The following VWA8 variants were observed in gnomAD, a reference collection of about 807,000 sequenced individuals.
VWA8 encodes von Willebrand factor A domain containing 8, also known as von Willebrand factor A domain-containing protein 8.
In VWA8, 221 loss-of-function variants were observed where a neutral mutation model predicts 241.5. The ratio of observed to expected loss-of-function variants is 0.91; its 90% CI spans 0.82 to 1.02. VWA8 has a LOEUF of 1.02. VWA8 is among the 50% of genes least tolerant of loss of function. The pLI is 0.00. For synonymous variants in VWA8, 852 were observed against 827.1 expected, an observed-to-expected ratio of 1.03 and a Z score of -0.52; for missense variants, 2,322 against 2,328.7, an observed-to-expected ratio of 1.00 and a Z score of 0.06.
intron 34 of VWA8, among the ~76,000 whole-genome samples, chr13:41,687,652 A>G: frequency 6.6e-6 from 1 of 152,130 alleles, no homozygotes. Flanking sequence ...AAAACCTCAT[A>G]GAATTGTTGT....
Position 41,960,933 on chromosome 13 carries a change from T to C in VWA8, c.83A>G (p.Gln28Arg). The change falls in exon 1 of 45, where the codon CAG (glutamine) becomes CGG (arginine). Residue 28 changes from glutamine to arginine, a missense_variant. Gln to Arg is a conservative substitution (Grantham distance 43). Transcript: ENST00000379310. ...ASRRMRLLLR[Q>R]VVQRRPGGDR... ...GCCACCCGGCCTGCGCTGCACCACCTGCCGCAGGAGCAGCCGCATGCGCCG... is the reference window on the plus strand; with the variant it reads ...GCCACCCGGCCTGCGCTGCACCACCCGCCGCAGGAGCAGCCGCATGCGCCG... 1.3e-6 allele frequency: 2 copies of C among 1,490,710 alleles called. No individual in the cohort carries two copies. Among genetic ancestry groups the C allele is most frequent in the South Asian group, 1.3e-5 (1 of 79,674 alleles). The allele number at this position is 1,490,710 out of a possible 1,614,324, so 92.3% of individuals were successfully genotyped here.
chr13:41,615,093 G>A lies in VWA8; in HGVS notation c.4612-9C>T, dbSNP rs759319654. ...TCTCTGTTGATTGTTATCTAAAAATGAACAATTGAGACATTTTTACTATCC... is the reference window on the plus strand; with the variant it reads ...TCTCTGTTGATTGTTATCTAAAAATAAACAATTGAGACATTTTTACTATCC... On this transcript the variant is annotated splice_polypyrimidine_tract_variant and intron_variant, in intron 37 of 44. Coordinates refer to ENST00000379310, the MANE Select transcript of VWA8 (RefSeq NM_015058.2). 1.9e-6 allele frequency: 3 copies of A among 1,613,330 alleles called. No homozygotes were observed. Among genetic ancestry groups the A allele is most frequent in the Admixed American group, 3.3e-5 (2 of 59,988 alleles).
rs1252767724 is a variant in VWA8 at position 41,731,953 on chromosome 13, T to C, written c.2502+127A>G. On this transcript the variant is annotated intron_variant, in intron 22 of 44. Coordinates refer to ENST00000379310, the MANE Select transcript of VWA8 (RefSeq NM_015058.2). ...TCTTTATAAATTACCCCGTCTCAGG[T>C]ATGTCTTTATAAGCAGCATGAAAAC... 10 of 720,146 alleles carry C rather than the reference T, an allele frequency of 1.4e-5. No homozygotes were observed. In the Admixed American group the frequency reaches 2.0e-4, roughly 14 times the overall value. 44.6% of individuals were successfully genotyped at this position (720,146 alleles called of 1,614,324 possible). A position where few individuals can be genotyped will look rare whatever the true frequency, so the allele number is the denominator to read the frequency against.
chr13:41,776,422 G>C (rs1481460868), intron 20 of VWA8, among the ~76,000 whole-genome samples: 1 of 152,140 alleles, frequency 6.6e-6, no homozygotes, highest in Non-Finnish European at 1.5e-5. Flanking sequence ...GCCAAATTCT[G>C]ACTGTTAACT....
Position 41,574,725 on chromosome 13 carries a change from G to A in VWA8, c.5370+1015C>T, listed in dbSNP as rs569538278. On this transcript the variant is annotated intron_variant, in intron 43 of 44. Coordinates refer to ENST00000379310, the MANE Select transcript of VWA8 (RefSeq NM_015058.2). ...ATGGTACTGGTATAAAAATAGGCACGTAGACCAATGAGACAGAATAGAGAA... is the reference window on the plus strand; with the variant it reads ...ATGGTACTGGTATAAAAATAGGCACATAGACCAATGAGACAGAATAGAGAA... Among the ~76,000 whole-genome samples, 6 of 152,238 alleles carry A rather than the reference G, an allele frequency of 3.9e-5. No individual in the cohort carries two copies. The South Asian group carries it at 8.3e-4, about 21-fold the overall frequency.
At chr13:41,955,793 T>G (rs554898960) in intron 1 of VWA8, 1 of 152,304 alleles carries the variant, frequency 6.6e-6, no homozygotes, top group East Asian at 1.9e-4. Flanking sequence ...GGAGTATACT[T>G]TGGTAACAAA....
intron 20 of VWA8, among the ~76,000 whole-genome samples, chr13:41,761,572 T>C (rs558115331): frequency 6.6e-6 from 1 of 152,100 alleles, no homozygotes; most frequent in Non-Finnish European, 1.5e-5. Flanking sequence ...CAAGTAAGTA[T>C]AAAACAATGG....
Position 41,571,308 on chromosome 13 carries a change from C to CG in VWA8, c.5371-603_5371-602insC, listed in dbSNP as rs1566370795. Among the ~76,000 whole-genome samples the CG allele has an allele frequency of 1.7e-3, 186 of 109,302 alleles. 1 individual carries two copies. The highest frequency in any genetic ancestry group is 6.2e-3 in the African/African-American group (176 of 28,438). The allele number at this position is 109,302 out of a possible 152,430, so 71.7% of individuals were successfully genotyped here. ...GTCTCCCTCTCCCGTCTCCCTCTCC[C>CG]TCCTCCCTCTCCCTCTCCCGTCTCC... On this transcript the variant is annotated intron_variant, in intron 43 of 44. Transcript: ENST00000379310.
chr13:41,811,315 G>C lies in VWA8; in HGVS notation c.1973C>G (p.Ser658Cys), dbSNP rs1566466712. Residue 658 changes from serine (S) to cysteine (C), a missense_variant, in exon 17 of 45, where the codon TCT becomes TGT. Transcript: ENST00000379310. The part of the protein sequence containing the change: ...PTAQSLAASL[S>C]TRQLLRISRR... ...AGAAATTCGCAACAGTTGTCTGGTAGAAAGTGATGCCGCTAATGATTGTGC... is the reference window on the plus strand; with the variant it reads ...AGAAATTCGCAACAGTTGTCTGGTACAAAGTGATGCCGCTAATGATTGTGC... The C allele has an allele frequency of 4.3e-6, 7 of 1,610,404 alleles. No homozygotes were observed. The highest frequency in any genetic ancestry group is 1.7e-5 in the Admixed American group (1 of 59,818).
rs190849104 is a variant in VWA8 at position 41,726,855 on chromosome 13, C to T, written c.2758+339G>A. Among the ~76,000 whole-genome samples, 8 of 152,128 alleles carry T rather than the reference C, an allele frequency of 5.3e-5. No homozygotes were observed. In the East Asian group the frequency reaches 1.5e-3, roughly 29 times the overall value. Reference sequence around the variant, plus strand: ...ACTAAAAATACAAAAATTAACCAGGCTCAGTGGTACATGCCTGTAATCCCT... The same window carrying T: ...ACTAAAAATACAAAAATTAACCAGGTTCAGTGGTACATGCCTGTAATCCCT... On this transcript the variant is annotated intron_variant, in intron 24 of 44. Coordinates refer to ENST00000379310, the MANE Select transcript of VWA8 (RefSeq NM_015058.2).
chr13:41,725,049 A>AT (rs1174975794), intron 24 of VWA8, among the ~76,000 whole-genome samples: 9 of 152,282 alleles, frequency 5.9e-5, no homozygotes, highest in African/African-American at 2.2e-4. Context: ...CAATGTTGTT[A>AT]GAGAGTTGGC....
intron 20 of VWA8, among the ~76,000 whole-genome samples, chr13:41,773,104 G>A (rs567151660): frequency 6.6e-6 from 1 of 152,300 alleles, no homozygotes; most frequent in East Asian, 1.9e-4. Context: ...AAAGGAGACT[G>A]AACAATTGCT....
intron 37 of VWA8, among the ~76,000 whole-genome samples, chr13:41,655,064 G>T (rs377401129): frequency 1.3e-5 from 2 of 151,866 alleles, no homozygotes; most frequent in African/African-American, 4.8e-5. Flanking sequence ...TACGTTAGGA[G>T]AATGCTCTTG....
chr13:41,607,978 C>T (rs1042750765), intron 39 of VWA8, among the ~76,000 whole-genome samples: 1 of 152,042 alleles, frequency 6.6e-6, no homozygotes, highest in African/African-American at 2.4e-5. Context: ...TGCACGCACA[C>T]ACACATGCAA....
At chr13:41,611,518 C>T in intron 39 of VWA8, 58 bp downstream of exon 39, 2 of 1,574,890 alleles carry the variant, frequency 1.3e-6, no homozygotes, top group Non-Finnish European at 1.7e-6. Flanking sequence ...TCCCCACAGT[C>T]CATCATGACA....
At chr13:41,866,088 C>T in intron 10 of VWA8, 52 bp from the exon 11 acceptor site, 2 of 1,594,380 alleles carry the variant, frequency 1.3e-6, no homozygotes, top group Middle Eastern at 1.7e-4. Context: ...TGGCTCACGC[C>T]TATAATCCCA....
At chr13:41,886,989 G>A (rs994633227) in intron 6 of VWA8, among the ~76,000 whole-genome samples, 159 bp from the exon 7 acceptor site, 2 of 152,042 alleles carry the variant, frequency 1.3e-5, no homozygotes, top group East Asian at 3.8e-4. Flanking sequence ...TAAAAGAAAA[G>A]CCAGCCTTTT....
chr13:41,900,707 TAACTG>T (rs1875385920), intron 4 of VWA8, among the ~76,000 whole-genome samples: 1 of 152,180 alleles, frequency 6.6e-6, no homozygotes, highest in Admixed American at 6.5e-5. Context: ...AAATTTAAAG[TAACTG>T]AACCTACTAA....
At chr13:41,699,594 C>T (rs1165849786) in intron 28 of VWA8, among the ~76,000 whole-genome samples, 1 of 152,142 alleles carries the variant, frequency 6.6e-6, no homozygotes, top group Non-Finnish European at 1.5e-5. Flanking sequence ...ATGACAGTAA[C>T]GTGCTTAGTG....
Sources: gnomAD v4.1 joint callset for allele counts (sites outside exome capture counted in the v4.1 genomes callset) on GRCh38, gnomAD v4.1.1 for gene constraint, MANE v1.5 for transcripts, NCBI Gene and HGNC (gene_info 2026-07-23, HGNC 2026-07-21) for gene names.